The following CCDC187 variants were observed in gnomAD, a reference collection of about 807,000 sequenced individuals.
CCDC187 encodes the protein coiled-coil domain-containing protein 187.
In CCDC187, 32 loss-of-function variants were observed where a neutral mutation model predicts 38.0. The observed-to-expected ratio is 0.84, with a 90% CI of 0.64 to 1.13. The LOEUF is 1.13. Ranked by LOEUF, CCDC187 falls within the 50% of genes most tolerant of loss-of-function variation. The pLI is 0.00. For synonymous variants in CCDC187, 333 were observed against 347.9 expected (o/e 0.96, Z 0.48); for missense variants, 707 against 786.8 (o/e 0.90, Z 1.21).
At chr9:136,297,486 G>A (rs1831564683) in intron 4 of CCDC187, among the ~76,000 whole-genome samples, 1 of 152,156 alleles carries the variant, frequency 6.6e-6, no homozygotes, top group South Asian at 2.1e-4. Flanking sequence ...GCCCGGACAG[G>A]AACCACCTGC....
chr9:136,269,912 G>C (rs1212347704), intron 14 of CCDC187, among the ~76,000 whole-genome samples: 3 of 152,180 alleles, frequency 2.0e-5, no homozygotes, highest in Non-Finnish European at 4.4e-5. Context: ...GATCCAAATG[G>C]AATGTGTAAA....
Position 136,267,504 on chromosome 9 carries a change from T to A in CCDC187, c.3527A>T (p.Glu1176Val), listed in dbSNP as rs1438665539. 1.0e-6 allele frequency: 1 copy of A among 985,540 alleles called. No homozygotes were observed. The highest frequency in any genetic ancestry group is 1.2e-6 in the Non-Finnish European group (1 of 830,096). The allele number at this position is 985,540 out of a possible 1,614,324, so 61.0% of individuals were successfully genotyped here. A position where few individuals can be genotyped will look rare whatever the true frequency, so the allele number is the denominator to read the frequency against. The change falls in exon 16 of 26, where the codon GAG becomes GTG. Residue 1176 changes from glutamate (E) to valine (V), a missense_variant. Transcript: ENST00000638797. Reference sequence around the variant, plus strand: ...CAGCTCCTCCTCCCGCAGGCTCCGCTCCAGCATCTGCAGCTTGAAGCGGCC... The same window carrying A: ...CAGCTCCTCCTCCCGCAGGCTCCGCACCAGCATCTGCAGCTTGAAGCGGCC... ...PPDNPTHQML[E>V]RSLREEELRA...
intron 14 of CCDC187, among the ~76,000 whole-genome samples, chr9:136,270,885 T>G (rs1452642815): frequency 6.6e-6 from 1 of 152,242 alleles, no homozygotes; most frequent in Non-Finnish European, 1.5e-5. Flanking sequence ...CCACCGGTTA[T>G]CCCTAGGTTA....
At chr9:136,293,342 C>T (rs1360727692) in intron 4 of CCDC187, among the ~76,000 whole-genome samples, 2 of 147,864 alleles carry the variant, frequency 1.4e-5, no homozygotes, top group African/African-American at 5.1e-5. Context: ...CACACTCACA[C>T]TCACATGCTC....
intron 25 of CCDC187, 85 bp from the exon 26 acceptor site, chr9:136,255,219 G>A (rs1830597504): frequency 1.5e-6 from 1 of 675,000 alleles, no homozygotes; most frequent in Non-Finnish European, 1.8e-6. Flanking sequence ...CAGGAGGTCA[G>A]AACAGAGAAA....
In CCDC187 at chr9:136,253,542, A is replaced by G. The variant is rs924351260; in HGVS notation, c.*52T>C. 3.2e-6 allele frequency: 3 copies of G among 945,044 alleles called. No individual in the cohort carries two copies. Among genetic ancestry groups the G allele is most frequent in the Admixed American group, 1.2e-4 (2 of 16,204 alleles). The allele number at this position is 945,044 out of a possible 1,614,324, so 58.5% of individuals were successfully genotyped here. A position where few individuals can be genotyped will look rare whatever the true frequency, so the allele number is the denominator to read the frequency against. ...CCTGCTGCAGAACTGCATCTACCCA[A>G]CTGGTCGTCAACGCTTCCACCCGGA... On this transcript the variant is annotated 3_prime_UTR_variant, in exon 26 of 26. Coordinates refer to ENST00000638797, the MANE Select transcript of CCDC187 (RefSeq NM_001378188.1).
At chr9:136,272,453 A>G (rs1337276884) in intron 14 of CCDC187, among the ~76,000 whole-genome samples, 3 of 152,182 alleles carry the variant, frequency 2.0e-5, no homozygotes, top group Non-Finnish European at 1.5e-5. Flanking sequence ...CTGTAATCCC[A>G]GCACTTTGGG....
rs149097751 is a variant in CCDC187, at chr9:136,258,699, A to G, written c.4366+233T>C. On this transcript the variant is annotated intron_variant, in intron 22 of 25. Coordinates refer to ENST00000638797, the MANE Select transcript of CCDC187 (RefSeq NM_001378188.1). The surrounding 1 kb of genome is among the most constrained non-coding windows in gnomAD (Gnocchi z 4.3). ...GCGACTAAAACAATCCCAGCCAGTT[A>G]TGACTTTTAATTTCTCCAGAAGAGC... The G allele has an allele frequency of 1.0e-6, 1 of 985,420 alleles. No individual in the cohort carries two copies. Among genetic ancestry groups the G allele is most frequent in the East Asian group, 1.1e-4 (1 of 8,814 alleles). The allele number at this position is 985,420 out of a possible 1,614,324, so 61.0% of individuals were successfully genotyped here.
intron 10 of CCDC187, among the ~76,000 whole-genome samples, chr9:136,278,348 C>T (rs1299085918): frequency 6.6e-6 from 1 of 152,194 alleles, no homozygotes; most frequent in Admixed American, 6.5e-5. Flanking sequence ...CAGCACCCAA[C>T]AGATCAGAGG....
chr9:136,260,658 G>A (rs1554760907), intron 19 of CCDC187, among the ~76,000 whole-genome samples: 3 of 152,046 alleles, frequency 2.0e-5, no homozygotes, highest in African/African-American at 4.8e-5. Flanking sequence ...GTGCCTGCCC[G>A]GCGACACGTC....
chr9:136,272,435 G>T (rs1830855827), intron 14 of CCDC187, among the ~76,000 whole-genome samples: 1 of 152,162 alleles, frequency 6.6e-6, no homozygotes, highest in Non-Finnish European at 1.5e-5. Flanking sequence ...GGGCGTGGTG[G>T]CTCACGCCTG....
intron 3 of CCDC187, among the ~76,000 whole-genome samples, chr9:136,298,332 G>A (rs1365841443): frequency 2.0e-5 from 3 of 152,216 alleles, no homozygotes; most frequent in East Asian, 3.8e-4. Flanking sequence ...ACCTGGGGGG[G>A]CCTTGGCACC....
In CCDC187 at chr9:136,283,650, T is replaced by C. The variant is rs1831100352; in HGVS notation, c.2927+1863A>G. ...CCCTGATGGGAATGTCTGGGTGCCA[T>C]TGCCACAGGGAGCCCTGGCCGCACC... is the stretch of plus-strand genomic sequence containing the variant. On this transcript the variant is annotated intron_variant, in intron 9 of 25. Transcript: ENST00000638797. 3.3e-5 allele frequency among the ~76,000 whole-genome samples: 5 copies of C among 152,302 alleles called. No homozygotes were observed. In the South Asian group the frequency reaches 1.0e-3, roughly 32 times the overall value.
rs1433218737 is a variant in CCDC187 at position 136,257,133 on chromosome 9, G to A, written c.4367-292C>T. 6.6e-6 allele frequency among the ~76,000 whole-genome samples: 1 copy of A among 152,198 alleles called. No homozygotes were observed. The highest frequency in any genetic ancestry group is 1.5e-5 in the Non-Finnish European group (1 of 68,032). On this transcript the variant is annotated intron_variant, in intron 22 of 25. Transcript: ENST00000638797. This position sits in a 1 kb window ranked among gnomAD's most constrained non-coding sequence, Gnocchi z 4.5. ...CTCACGCCTATAATCCCAGCACTCT[G>A]GGAGGCCGAGGCGGGCGGATCACAA... is the stretch of plus-strand genomic sequence containing the variant.
upstream of CCDC187, among the ~76,000 whole-genome samples, chr9:136,306,361 A>G (rs888156150): frequency 2.0e-5 from 3 of 152,116 alleles, no homozygotes; most frequent in Non-Finnish European, 4.4e-5. Flanking sequence ...AGTGAGGCAC[A>G]TGCAGTTCCC....
intron 3 of CCDC187, among the ~76,000 whole-genome samples, chr9:136,298,251 A>G (rs1389037901): frequency 1.3e-5 from 2 of 152,162 alleles, no homozygotes; most frequent in East Asian, 1.9e-4. Context: ...CCAGGCCCCA[A>G]GTGAATGCAC....
Position 136,253,447 on chromosome 9 carries a change from T to C in CCDC187, c.*147A>G. The stretch of plus-strand genomic sequence containing the variant: ...CTGGGAGCCCTCCAGGGGCACTGCC[T>C]GACCCCTCACACGACGAGTGCCCTG... On this transcript the variant is annotated 3_prime_UTR_variant, in exon 26 of 26. Coordinates refer to ENST00000638797, the MANE Select transcript of CCDC187 (RefSeq NM_001378188.1). 1 of 253,834 alleles carries C rather than the reference T, an allele frequency of 3.9e-6. No homozygotes were observed. Among genetic ancestry groups the C allele is most frequent in the Non-Finnish European group, 6.2e-6 (1 of 161,024 alleles). The allele number at this position is 253,834 out of a possible 1,614,324, so 15.7% of individuals were successfully genotyped here.
At chr9:136,267,950 G>T in intron 15 of CCDC187, 99 bp downstream of exon 15, 1 of 985,484 alleles carries the variant, frequency 1.0e-6, no homozygotes, top group Non-Finnish European at 1.2e-6. Context: ...ACCTGCCTTG[G>T]CCCTTCTTAG....
chr9:136,267,785 T>C, intron 15 of CCDC187: 6 of 957,946 alleles, frequency 6.3e-6, no homozygotes, highest in Non-Finnish European at 7.5e-6. Flanking sequence ...CCACCTGCCC[T>C]AAAATATACA....
Sources: allele counts gnomAD v4.1 joint callset (sites outside exome capture counted in the v4.1 genomes callset), GRCh38; gene constraint gnomAD v4.1.1; non-coding constraint Gnocchi (gnomAD v3.1); transcripts MANE v1.5; gene names NCBI Gene and HGNC (gene_info 2026-07-23, HGNC 2026-07-21).